Variants in PLEKHA8 observed in about 807,000 individuals in gnomAD.
The protein encoded by PLEKHA8 is pleckstrin homology domain-containing family A member 8.
A neutral mutation model predicts 68.2 loss-of-function variants in PLEKHA8; 36 were observed. The ratio of observed to expected loss-of-function variants is 0.53; its 90% CI spans 0.40 to 0.70. The LOEUF is 0.70. Among genes scored for constraint, PLEKHA8 ranks in the 30% least tolerant of loss-of-function variants. PLEKHA8 has a pLI of 0.00. For synonymous variants in PLEKHA8, 211 were observed against 216.1 expected (o/e 0.98, Z 0.20); for missense variants, 505 against 615.4 (o/e 0.82, Z 1.90).
intron 13 of PLEKHA8, among the ~76,000 whole-genome samples, chr7:30,117,524 G>C (rs1281432316): frequency 1.3e-5 from 2 of 152,062 alleles, no homozygotes; most frequent in African/African-American, 4.8e-5. Context: ...GGGCAACATA[G>C]TGAGACCTTA....
intron 13 of PLEKHA8, among the ~76,000 whole-genome samples, chr7:30,105,075 G>A (rs1180757857): frequency 2.0e-5 from 3 of 151,954 alleles, no homozygotes; most frequent in East Asian, 1.9e-4. Context: ...TCTTGCTAGT[G>A]GTATGGGTTA....
intron 9 of PLEKHA8, among the ~76,000 whole-genome samples, chr7:30,056,312 C>CTATATATA (rs1554385029): frequency 0.019 from 1,804 of 94,472 alleles, 43 homozygotes; most frequent in East Asian, 0.036. Flanking sequence ...CTCTCTCTCT[C>CTATATATA]TATATATATA....
intron 13 of PLEKHA8, among the ~76,000 whole-genome samples, chr7:30,125,612 T>A (rs1033366262): frequency 1.3e-5 from 2 of 152,212 alleles, no homozygotes; most frequent in Admixed American, 1.3e-4. Flanking sequence ...AACAGTGTAG[T>A]GTTCTCAATC....
chr7:30,056,742 AGTGT>A (rs70980590), intron 9 of PLEKHA8, among the ~76,000 whole-genome samples: 2,384 of 74,668 alleles, frequency 0.032, 91 homozygotes, highest in East Asian at 0.059. Flanking sequence ...AAAAAAAAAA[AGTGT>A]GTGTGTGTGT....
intron 3 of PLEKHA8, among the ~76,000 whole-genome samples, chr7:30,047,051 G>C (rs1792015405): frequency 2.0e-5 from 3 of 152,178 alleles, no homozygotes; most frequent in Non-Finnish European, 4.4e-5. Context: ...GCTAGGGTGG[G>C]GTGAAATGGG....
chr7:30,095,488 T>C (rs1795577577), downstream of PLEKHA8, among the ~76,000 whole-genome samples: 1 of 152,250 alleles, frequency 6.6e-6, no homozygotes, highest in Non-Finnish European at 1.5e-5. Flanking sequence ...CTGTTCACTC[T>C]GATGGTAGTT....
chr7:30,056,417 A>C (rs971938093), intron 9 of PLEKHA8, among the ~76,000 whole-genome samples: 1 of 144,222 alleles, frequency 6.9e-6, no homozygotes, highest in Admixed American at 7.1e-5. Flanking sequence ...TAACATACAT[A>C]TATATGTAAA....
Position 30,081,617 on chromosome 7 carries a change from G to A in PLEKHA8, c.*2830G>A. 1.3e-5 allele frequency: 13 copies of A among 985,354 alleles called. No homozygotes were observed. The highest frequency in any genetic ancestry group is 4.7e-5 in the South Asian group (1 of 21,288). 61.0% of individuals were successfully genotyped at this position (985,354 alleles called of 1,614,324 possible). Reference sequence around the variant, plus strand: ...TTTCACCATTACTGTGAGAGGAGGTGAGAAAACTCTAGTATTTTGTTGGCA... The same window carrying A: ...TTTCACCATTACTGTGAGAGGAGGTAAGAAAACTCTAGTATTTTGTTGGCA... On this transcript the variant is annotated 3_prime_UTR_variant, in exon 14 of 14. Transcript: ENST00000449726.
chr7:30,040,425 A>G (rs548798128), intron 1 of PLEKHA8, among the ~76,000 whole-genome samples: 1 of 152,362 alleles, frequency 6.6e-6, no homozygotes, highest in South Asian at 2.1e-4. Flanking sequence ...CAAAGAAAAA[A>G]GAAACAGTCC....
intron 12 of PLEKHA8, among the ~76,000 whole-genome samples, chr7:30,066,547 T>G (rs1453088928): frequency 6.6e-6 from 1 of 152,160 alleles, no homozygotes; most frequent in East Asian, 1.9e-4. Flanking sequence ...TTAGAGGTCA[T>G]TTTCAGGAGG....
chr7:30,077,862 A>C (rs150522638), intron 13 of PLEKHA8, among the ~76,000 whole-genome samples: 1 of 152,314 alleles, frequency 6.6e-6, no homozygotes, highest in African/African-American at 2.4e-5. Context: ...AGAGAAGGAT[A>C]AGATGCCTAG....
chr7:30,088,762 A>G (rs1254692741), downstream of PLEKHA8, among the ~76,000 whole-genome samples: 1 of 152,238 alleles, frequency 6.6e-6, no homozygotes, highest in Non-Finnish European at 1.5e-5. Context: ...TTTTTCTGGT[A>G]AGAAAGAAGA....
rs1392018668 is a variant in PLEKHA8 at position 30,115,986 on chromosome 7, A to G, written c.1363-13280A>G. The G allele has an allele frequency of 4.3e-5, 6 of 139,080 alleles. 1 individual carries two copies. The East Asian group carries it at 9.0e-4, about 21-fold the overall frequency. The allele number at this position is 139,080 out of a possible 1,614,324, so 8.6% of individuals were successfully genotyped here. A position where few individuals can be genotyped will look rare whatever the true frequency, so the allele number is the denominator to read the frequency against. ...TGCATACATGTGCATGCATGCATGT[A>G]TGCATACGCATACATACGCATACAT... On this transcript the variant is annotated intron_variant, in intron 13 of 13. Coordinates refer to the PLEKHA8 transcript ENST00000396257.
chr7:30,035,663 G>C (rs1038774020), intron 1 of PLEKHA8, among the ~76,000 whole-genome samples: 3 of 151,808 alleles, frequency 2.0e-5, no homozygotes, highest in East Asian at 2.0e-4. Context: ...TATTTATTTT[G>C]AGATGGAGTG....
At chr7:30,028,876 G>T in intron 1 of PLEKHA8, 74 bp downstream of exon 1, 1 of 1,236,644 alleles carries the variant, frequency 8.1e-7, no homozygotes, top group South Asian at 4.1e-5. Flanking sequence ...GCGGTGTCTG[G>T]ACCCGTCTTA....
At chr7:30,117,698 A>G (rs535897948) in intron 13 of PLEKHA8, among the ~76,000 whole-genome samples, 2 of 151,946 alleles carry the variant, frequency 1.3e-5, no homozygotes, top group African/African-American at 4.8e-5. Flanking sequence ...ACAGAGCAAG[A>G]CCCCCCTCCA....
intron 2 of PLEKHA8, among the ~76,000 whole-genome samples, chr7:30,045,716 G>T (rs1205932109): frequency 3.9e-5 from 6 of 152,212 alleles, no homozygotes; most frequent in Admixed American, 2.6e-4. Flanking sequence ...ACTTTGGTTT[G>T]CTTGTTTCTT....
chr7:30,057,332 G>A (rs774228058), intron 9 of PLEKHA8, among the ~76,000 whole-genome samples: 6 of 152,124 alleles, frequency 3.9e-5, no homozygotes, highest in African/African-American at 9.6e-5. Flanking sequence ...TTTGAGATCC[G>A]TCCTTGTTTT....
intron 1 of PLEKHA8, among the ~76,000 whole-genome samples, chr7:30,044,032 A>ATTT (rs199681554): frequency 1.5e-4 from 20 of 135,068 alleles, no homozygotes; most frequent in Admixed American, 3.7e-4. Flanking sequence ...GTCAGGGATG[A>ATTT]TTTTTTTTTT....
Sources: allele counts gnomAD v4.1 joint callset (sites outside exome capture counted in the v4.1 genomes callset), GRCh38; gene constraint gnomAD v4.1.1; transcripts MANE v1.5; gene names NCBI Gene and HGNC (gene_info 2026-07-23, HGNC 2026-07-21).